The following SUMF1 variants were observed in gnomAD, a reference collection of about 807,000 sequenced individuals.
SUMF1 encodes the protein sulfatase modifying factor 1.
In SUMF1, 48 loss-of-function variants were observed where a neutral mutation model predicts 47.6. That is an observed-to-expected ratio of 1.01 (90% CI 0.80 to 1.28). SUMF1 has a LOEUF of 1.28. SUMF1 is among the 50% of genes most tolerant of loss of function. SUMF1 has a pLI of 0.00. For missense variants in SUMF1, 571 were observed against 485.4 expected, an observed-to-expected ratio of 1.18 and a Z score of -1.66; for synonymous variants, 230 against 192.1, an observed-to-expected ratio of 1.20 and a Z score of -1.63.
chr3:4,045,887 A>T (rs572319579), intron 9 of SUMF1, among the ~76,000 whole-genome samples: 2 of 152,260 alleles, frequency 1.3e-5, no homozygotes, highest in African/African-American at 4.8e-5. Context: ...CATGACTGAG[A>T]TAAAGAATGA....
intron 8 of SUMF1, among the ~76,000 whole-genome samples, chr3:4,155,215 C>A (rs1368116270): frequency 1.3e-5 from 2 of 151,398 alleles, no homozygotes; most frequent in African/African-American, 2.5e-5. Context: ...AATTAAGGTA[C>A]TGTGCTTAGG....
At chr3:4,232,868 C>T (rs1696331832) in intron 8 of SUMF1, among the ~76,000 whole-genome samples, 1 of 152,108 alleles carries the variant, frequency 6.6e-6, no homozygotes, top group South Asian at 2.1e-4. Flanking sequence ...TGTCCAAGCA[C>T]CAGGTTGCCA....
At position 4,446,358 on chromosome 3, in the gene SUMF1, C is replaced by A. The variant is rs182656486; in HGVS notation, c.519+2908G>T. On this transcript the variant is annotated intron_variant, in intron 3 of 8. Transcript: ENST00000272902. Reference sequence around the variant, plus strand: ...TCCCCTGCACAAACTCTCTTCCCTGCCACCACGTAAAACGTGCATTTGTTC... The same window carrying A: ...TCCCCTGCACAAACTCTCTTCCCTGACACCACGTAAAACGTGCATTTGTTC... 3.3e-5 allele frequency among the ~76,000 whole-genome samples: 5 copies of A among 152,314 alleles called. No homozygotes were observed. The East Asian group carries it at 7.7e-4, about 23-fold the overall frequency.
chr3:4,327,508 A>G (rs1446261150), intron 8 of SUMF1, among the ~76,000 whole-genome samples: 1 of 152,116 alleles, frequency 6.6e-6, no homozygotes, highest in African/African-American at 2.4e-5. Context: ...AGTCATGGTT[A>G]AAAACACAAT....
intron 8 of SUMF1, among the ~76,000 whole-genome samples, chr3:4,193,319 T>G (rs1157483301): frequency 6.6e-6 from 1 of 152,148 alleles, no homozygotes; most frequent in African/African-American, 2.4e-5. Context: ...CTAGTCCTGA[T>G]TGATGGCCTT....
rs1227267084 is a variant in SUMF1 at position 4,410,975 on chromosome 3, C to T, written c.844G>A (p.Asp282Asn). Residue 282 changes from aspartate to asparagine, a missense_variant, in exon 7 of 9, where the codon GAT becomes AAT. Asp to Asn is a conservative substitution (Grantham distance 23, BLOSUM62 1). Transcript: ENST00000272902. ...CCATAACCATTGGGAGGGAAGGCAT[C>T]AACCTAAAAACAAAGACAGGAAAAA... ...EDGFQGTAPV[D>N]AFPPNGYGLY... is the part of the protein sequence containing the mutation. 2 of 1,613,738 alleles carry T rather than the reference C, an allele frequency of 1.2e-6. No homozygotes were observed. Among genetic ancestry groups the T allele is most frequent in the South Asian group, 1.1e-5 (1 of 91,068 alleles).
intron 9 of SUMF1, among the ~76,000 whole-genome samples, chr3:4,038,818 G>C (rs1463646875): frequency 6.6e-6 from 1 of 152,096 alleles, no homozygotes; most frequent in East Asian, 1.9e-4. Flanking sequence ...ACTACCACTG[G>C]GTATGCTCAG....
intron 1 of SUMF1, among the ~76,000 whole-genome samples, chr3:4,465,376 G>A (rs1407094879): frequency 6.6e-6 from 1 of 152,014 alleles, no homozygotes; most frequent in Non-Finnish European, 1.5e-5. Context: ...TTGGGAGGCT[G>A]AGGCAGGAAG....
At chr3:4,038,929 A>G (rs567176598) in intron 9 of SUMF1, among the ~76,000 whole-genome samples, 1 of 152,360 alleles carries the variant, frequency 6.6e-6, no homozygotes, top group Non-Finnish European at 1.5e-5. Context: ...AATAAAGAGC[A>G]TAAACAGATT....
intron 8 of SUMF1, among the ~76,000 whole-genome samples, chr3:4,099,597 G>C (rs572191325): frequency 1.3e-5 from 2 of 152,018 alleles, no homozygotes; most frequent in Non-Finnish European, 2.9e-5. Flanking sequence ...CATAGTACTA[G>C]AAGTCCTAGC....
At chr3:4,295,599 C>G (rs1031526052) in intron 8 of SUMF1, among the ~76,000 whole-genome samples, 2 of 152,072 alleles carry the variant, frequency 1.3e-5, no homozygotes, top group Non-Finnish European at 2.9e-5. Flanking sequence ...CAAGTCTGCT[C>G]TCATAGCCTT....
rs182871932 is a variant in SUMF1 at position 4,174,153 on chromosome 3, G to A, written c.1015-105408C>T. Among the ~76,000 whole-genome samples the A allele has an allele frequency of 6.3e-4, 96 of 151,942 alleles. 1 individual carries two copies. The East Asian group carries it at 0.011, about 17-fold the overall frequency. ...AGGTGGATCATGAGGTCAGGAGATC[G>A]AGAGCATCCTGGCTAACATGGTGAA... is the stretch of plus-strand genomic sequence containing the variant. On this transcript the variant is annotated intron_variant and NMD_transcript_variant, in intron 8 of 12. Transcript: ENST00000448413.
At chr3:4,171,253 C>A (rs1305534613) in intron 8 of SUMF1, among the ~76,000 whole-genome samples, 1 of 152,098 alleles carries the variant, frequency 6.6e-6, no homozygotes, top group African/African-American at 2.4e-5. Context: ...GCGATCTATA[C>A]CAGGATTCTC....
chr3:4,133,297 C>T (rs1032481999), intron 8 of SUMF1, among the ~76,000 whole-genome samples: 11 of 151,974 alleles, frequency 7.2e-5, no homozygotes, highest in South Asian at 2.1e-4. Context: ...TAGTGTGTTT[C>T]GGGTTGTATG....
intron 9 of SUMF1, among the ~76,000 whole-genome samples, chr3:4,062,748 T>G (rs1440471752): frequency 6.6e-6 from 1 of 152,164 alleles, no homozygotes; most frequent in African/African-American, 2.4e-5. Context: ...GGTACCTTGA[T>G]GTCAACAAGG....
At chr3:4,238,385 T>A (rs1696458172) in intron 8 of SUMF1, among the ~76,000 whole-genome samples, 1 of 152,176 alleles carries the variant, frequency 6.6e-6, no homozygotes, top group Non-Finnish European at 1.5e-5. Flanking sequence ...TAATTTACAC[T>A]CCCACCAACA....
chr3:4,346,529 G>A (rs308712), intron 8 of SUMF1, among the ~76,000 whole-genome samples: 1 of 152,022 alleles, frequency 6.6e-6, no homozygotes, highest in African/African-American at 2.4e-5. Flanking sequence ...AGCTAAAACA[G>A]AGTTAAGAGG....
intron 8 of SUMF1, among the ~76,000 whole-genome samples, chr3:4,344,417 C>A (rs1000712438): frequency 1.3e-5 from 2 of 152,108 alleles, no homozygotes; most frequent in African/African-American, 4.8e-5. Context: ...TGAACCCCCA[C>A]CAAATTGCAG....
intron 8 of SUMF1, among the ~76,000 whole-genome samples, chr3:4,332,950 G>C (rs932094842): frequency 2.6e-5 from 4 of 152,194 alleles, no homozygotes; most frequent in African/African-American, 9.6e-5. Context: ...GAGAAGAAAA[G>C]AAACATTGGG....
Sources: gnomAD v4.1 joint callset for allele counts (sites outside exome capture counted in the v4.1 genomes callset) on GRCh38, gnomAD v4.1.1 for gene constraint, MANE v1.5 for transcripts, NCBI Gene and HGNC (gene_info 2026-07-23, HGNC 2026-07-21) for gene names.